Variants in XKR4 observed in about 807,000 individuals in gnomAD.
XKR4 encodes XK-related protein 4.
In XKR4, 12 loss-of-function variants were observed where a neutral mutation model predicts 53.9. The ratio of observed to expected loss-of-function variants is 0.22; its 90% CI spans 0.14 to 0.36. The LOEUF is 0.36. Ranked by LOEUF, XKR4 falls within the 10% of genes least tolerant of loss-of-function variation. XKR4 has a pLI of 1.00. For missense variants in XKR4, 799 were observed against 859.5 expected (o/e 0.93, Z 0.88); for synonymous variants, 354 against 362.4 (o/e 0.98, Z 0.26).
chr8:55,148,742 A>G (rs1324288067), intron 1 of XKR4, among the ~76,000 whole-genome samples: 1 of 152,170 alleles, frequency 6.6e-6, no homozygotes, highest in Non-Finnish European at 1.5e-5. Context: ...TTAACAGCCA[A>G]CTCTAAACCC....
intron 1 of XKR4, among the ~76,000 whole-genome samples, chr8:55,322,041 ATCCT>A (rs1563323952): frequency 2.6e-5 from 4 of 152,072 alleles, no homozygotes. Flanking sequence ...AATCTTTGAC[ATCCT>A]TCCTGACTTT....
chr8:55,350,142 T>C (rs557741178), intron 1 of XKR4, among the ~76,000 whole-genome samples: 4 of 152,246 alleles, frequency 2.6e-5, no homozygotes, highest in Non-Finnish European at 4.4e-5. Flanking sequence ...TACCTTATCA[T>C]TGGGCATTTG....
At chr8:55,109,640 T>C (rs1171970729) in intron 1 of XKR4, among the ~76,000 whole-genome samples, 1 of 152,206 alleles carries the variant, frequency 6.6e-6, no homozygotes, top group Non-Finnish European at 1.5e-5. Context: ...TTGCAATAAC[T>C]AGTGCAAAGA....
At chr8:55,183,562 C>A (rs1239178150) in intron 1 of XKR4, among the ~76,000 whole-genome samples, 1 of 152,020 alleles carries the variant, frequency 6.6e-6, no homozygotes, top group Non-Finnish European at 1.5e-5. Flanking sequence ...CTCTCTGTTA[C>A]TGATTTAGAG....
intron 2 of XKR4, among the ~76,000 whole-genome samples, chr8:55,435,302 A>G (rs1805157860): frequency 6.6e-6 from 1 of 152,122 alleles, no homozygotes; most frequent in African/African-American, 2.4e-5. Flanking sequence ...CCAAAGGCGG[A>G]GTCTCTTCCC....
At chr8:55,460,827 A>T (rs1259270405) in intron 2 of XKR4, among the ~76,000 whole-genome samples, 9 of 152,234 alleles carry the variant, frequency 5.9e-5, no homozygotes, top group Admixed American at 5.2e-4. Flanking sequence ...CACACCAGGA[A>T]ATTATATCCC....
chr8:55,202,003 G>T (rs1817582094), intron 1 of XKR4, among the ~76,000 whole-genome samples: 1 of 152,160 alleles, frequency 6.6e-6, no homozygotes, highest in Admixed American at 6.5e-5. Context: ...CAAAATGGAG[G>T]CCATGATATT....
intron 1 of XKR4, among the ~76,000 whole-genome samples, chr8:55,203,480 A>C (rs1817603307): frequency 6.6e-6 from 1 of 152,230 alleles, no homozygotes; most frequent in African/African-American, 2.4e-5. Flanking sequence ...AGATTTCATA[A>C]GAGAGACCTC....
At chr8:55,226,710 T>C (rs1290701992) in intron 1 of XKR4, among the ~76,000 whole-genome samples, 1 of 152,196 alleles carries the variant, frequency 6.6e-6, no homozygotes, top group Non-Finnish European at 1.5e-5. Context: ...AACTAGTTCA[T>C]GCCTTCATTG....
intron 1 of XKR4, among the ~76,000 whole-genome samples, chr8:55,213,578 C>T (rs1019300176): frequency 6.6e-6 from 1 of 152,158 alleles, no homozygotes; most frequent in African/African-American, 2.4e-5. Flanking sequence ...GTTAGTTAGA[C>T]TATCTTTAAA....
intron 2 of XKR4, among the ~76,000 whole-genome samples, chr8:55,423,336 C>A (rs1273500957): frequency 6.6e-6 from 1 of 152,150 alleles, no homozygotes; most frequent in African/African-American, 2.4e-5. Context: ...CTCGGGTGAT[C>A]CACCTGCCTC....
intron 1 of XKR4, among the ~76,000 whole-genome samples, chr8:55,186,144 TC>T (rs1451806063): frequency 6.6e-6 from 1 of 152,092 alleles, no homozygotes; most frequent in Non-Finnish European, 1.5e-5. Flanking sequence ...CCAATTCATC[TC>T]CCAGAATAAT....
chr8:55,334,990 A>G (rs1803438720), intron 1 of XKR4, among the ~76,000 whole-genome samples: 2 of 152,192 alleles, frequency 1.3e-5, no homozygotes, highest in South Asian at 2.1e-4. Flanking sequence ...ATAGCAGTGT[A>G]CAAGAAAAGC....
chr8:55,108,413 A>G (rs1340875637), intron 1 of XKR4, among the ~76,000 whole-genome samples: 4 of 152,134 alleles, frequency 2.6e-5, no homozygotes, highest in African/African-American at 7.2e-5. Flanking sequence ...AATGGCAGAA[A>G]GTTGAAAGCT....
intron 2 of XKR4, among the ~76,000 whole-genome samples, chr8:55,392,738 C>A (rs1804460495): frequency 6.6e-6 from 1 of 152,140 alleles, no homozygotes; most frequent in East Asian, 1.9e-4. Flanking sequence ...TTACAGTGAG[C>A]TGAGATTGAA....
intron 1 of XKR4, among the ~76,000 whole-genome samples, chr8:55,355,567 C>T (rs1803786322): frequency 6.6e-6 from 1 of 152,148 alleles, no homozygotes; most frequent in Admixed American, 6.5e-5. Flanking sequence ...AAGGTACATT[C>T]TAATAAAACC....
Position 55,527,574 on chromosome 8 carries a change from C to T in XKR4, c.*3347C>T, listed in dbSNP as rs912405126. 3.9e-5 allele frequency: 6 copies of T among 152,130 alleles called. No homozygotes were observed. The highest frequency in any genetic ancestry group is 7.2e-5 in the African/African-American group (3 of 41,424). 9.4% of individuals were successfully genotyped at this position (152,130 alleles called of 1,614,324 possible). On this transcript the variant is annotated 3_prime_UTR_variant, in exon 3 of 3. Transcript: ENST00000327381. ...TGTGAAAGAAAAGGAAATAATTTTT[C>T]CATGTAAGTCAAAGTTTAGTCTCCC...
intron 2 of XKR4, among the ~76,000 whole-genome samples, chr8:55,460,392 A>T (rs1177421107): frequency 1.3e-5 from 2 of 152,246 alleles, no homozygotes; most frequent in Middle Eastern, 3.2e-3. Context: ...ATTGAACCAT[A>T]TGCTTAAAAC....
chr8:55,210,103 T>G (rs1229925192), intron 1 of XKR4, among the ~76,000 whole-genome samples: 1 of 102,362 alleles, frequency 9.8e-6, no homozygotes, highest in Non-Finnish European at 2.1e-5. Context: ...TTTTTTTTTT[T>G]GAGACAGTTT....
Sources: gnomAD v4.1 joint callset for allele counts (sites outside exome capture counted in the v4.1 genomes callset) on GRCh38, gnomAD v4.1.1 for gene constraint, MANE v1.5 for transcripts, NCBI Gene and HGNC (gene_info 2026-07-23, HGNC 2026-07-21) for gene names.